The following SPG11 variants were observed in gnomAD, a reference collection of about 807,000 sequenced individuals.
SPG11 encodes SPG11 vesicle trafficking associated, spatacsin.
A neutral mutation model predicts 274.0 loss-of-function variants in SPG11; 222 were observed. That is an observed-to-expected ratio of 0.81 (90% CI 0.73 to 0.91). SPG11 has a LOEUF of 0.91. Ranked by LOEUF, SPG11 falls within the 40% of genes least tolerant of loss-of-function variation. SPG11 has a pLI of 0.00. For synonymous variants in SPG11, 1,144 were observed against 1,039.7 expected (o/e 1.10, Z -1.93); for missense variants, 3,114 against 2,872.7 (o/e 1.08, Z -1.92).
chr15:44,628,421 T>C (rs1004722124), intron 10 of SPG11, among the ~76,000 whole-genome samples: 3 of 152,198 alleles, frequency 2.0e-5, no homozygotes, highest in African/African-American at 7.2e-5. Context: ...GTTGGGTGTT[T>C]GTTACTGAAC....
intron 6 of SPG11, among the ~76,000 whole-genome samples, chr15:44,650,691 C>A (rs2084745440): frequency 6.6e-6 from 1 of 151,342 alleles, no homozygotes; most frequent in South Asian, 2.1e-4. Flanking sequence ...ACAACTGAAA[C>A]TCAGCTCCAA....
intron 8 of SPG11, among the ~76,000 whole-genome samples, chr15:44,631,802 G>GAT (rs1567176798): frequency 7.5e-6 from 1 of 133,644 alleles, no homozygotes; most frequent in Non-Finnish European, 1.6e-5. Context: ...ACTGCACCCA[G>GAT]CTTTTTTTTT....
chr15:44,659,000 A>C, intron 3 of SPG11, 79 bp downstream of exon 3: 1 of 1,404,560 alleles, frequency 7.1e-7, no homozygotes, highest in Admixed American at 1.7e-5. Context: ...AGCTCCCAAA[A>C]CTAAAGCCTA....
chr15:44,567,139 C>G (rs2082326091), intron 36 of SPG11, among the ~76,000 whole-genome samples: 3 of 151,986 alleles, frequency 2.0e-5, no homozygotes. Context: ...TTCACCAGGT[C>G]AGGAGTTCAA....
At chr15:44,570,761 G>T (rs1414939818) in intron 33 of SPG11, 103 bp from the exon 34 acceptor site, 6 of 1,461,380 alleles carry the variant, frequency 4.1e-6, no homozygotes, top group Non-Finnish European at 4.7e-6. Context: ...GAAGGGGCCT[G>T]TCTGGAGAGG....
chr15:44,578,055 C>T (rs997852571), intron 30 of SPG11, among the ~76,000 whole-genome samples: 15 of 141,504 alleles, frequency 1.1e-4, no homozygotes, highest in Non-Finnish European at 1.7e-4. Flanking sequence ...GACGGAGTCT[C>T]GCTCTGTCGC....
rs1321105145 is a variant in SPG11, at chr15:44,602,215, T to G, written c.3521-1583A>C. On this transcript the variant is annotated intron_variant, in intron 20 of 39. Coordinates refer to ENST00000261866, the MANE Select transcript of SPG11 (RefSeq NM_025137.4). The stretch of plus-strand genomic sequence containing the variant: ...TGATTTGGATGCCTTTCTTTTTTTT[T>G]GCTTAAATGCTCTGGCTAGGACTTC... Among the ~76,000 whole-genome samples, 5 of 152,196 alleles carry G rather than the reference T, an allele frequency of 3.3e-5. No homozygotes were observed. The East Asian group carries it at 5.8e-4, about 18-fold the overall frequency.
At chr15:44,588,407 A>G (rs1375097214) in intron 28 of SPG11, among the ~76,000 whole-genome samples, 1 of 152,038 alleles carries the variant, frequency 6.6e-6, no homozygotes, top group African/African-American at 2.4e-5. Flanking sequence ...GTTACTTGCC[A>G]TAGAGAAGAA....
In SPG11 at chr15:44,660,736, T is replaced by C. The variant is rs1172259520; in HGVS notation, c.258-120A>G. 4.5e-6 allele frequency: 4 copies of C among 889,464 alleles called. No homozygotes were observed. The Admixed American group carries it at 8.2e-5, about 18-fold the overall frequency. 55.1% of individuals were successfully genotyped at this position (889,464 alleles called of 1,614,324 possible). A position where few individuals can be genotyped will look rare whatever the true frequency, so the allele number is the denominator to read the frequency against. ...TTTAGTTGACCTGGTATAGTCATTC[T>C]ACACTTCAATCTAAGAGAACATAAA... is the stretch of plus-strand genomic sequence containing the variant. On this transcript the variant is annotated intron_variant, in intron 1 of 39. Transcript: ENST00000261866.
At chr15:44,578,378 G>A (rs961938308) in intron 30 of SPG11, among the ~76,000 whole-genome samples, 16 of 151,988 alleles carry the variant, frequency 1.1e-4, no homozygotes, top group African/African-American at 3.4e-4. Context: ...TCAGGAGGGC[G>A]GAGTAGACCC....
intron 11 of SPG11, among the ~76,000 whole-genome samples, chr15:44,625,640 T>A (rs1325209331): frequency 6.6e-6 from 1 of 152,140 alleles, no homozygotes; most frequent in Non-Finnish European, 1.5e-5. Context: ...TAAACCTCTT[T>A]TCTTTCTAAA....
rs1408099340 is a variant in SPG11 at position 44,628,690 on chromosome 15, T to A, written c.2046A>T (p.Ile682=). The change falls in exon 10 of 40, where the codon ATA becomes ATT. Residue 682 remains isoleucine (I), a synonymous_variant. Coordinates refer to ENST00000261866, the MANE Select transcript of SPG11 (RefSeq NM_025137.4). ...TTACCTCAAAGCTGAGTTTCTTCCA[T>A]ATATTGCTCTCCTTTACTTTGGGGA... ...ENVPKVKESN[I]WKKLSFEEVI... 3 of 1,613,580 alleles carry A rather than the reference T, an allele frequency of 1.9e-6. No homozygotes were observed. The highest frequency in any genetic ancestry group is 2.5e-6 in the Non-Finnish European group (3 of 1,179,910).
At chr15:44,592,695 C>T (rs2082934321) in intron 26 of SPG11, among the ~76,000 whole-genome samples, 1 of 151,980 alleles carries the variant, frequency 6.6e-6, no homozygotes, top group Non-Finnish European at 1.5e-5. Flanking sequence ...TGGTGCATGC[C>T]TGCAATCACA....
At chr15:44,622,934 C>A in intron 11 of SPG11, 135 bp from the exon 12 acceptor site, 1 of 761,442 alleles carries the variant, frequency 1.3e-6, no homozygotes, top group African/African-American at 1.7e-5. Flanking sequence ...TCTGCTCTTT[C>A]AAACACTCAT....
intron 15 of SPG11, among the ~76,000 whole-genome samples, chr15:44,618,672 C>T (rs150423431): frequency 0.064 from 9,501 of 148,944 alleles, 785 homozygotes; most frequent in African/African-American, 0.19. Context: ...AAAAAGAAAT[C>T]AGCCGGGCGT....
At chr15:44,598,121 T>G (rs935089185) in intron 23 of SPG11, 144 bp downstream of exon 23, 5 of 661,172 alleles carry the variant, frequency 7.6e-6, no homozygotes, top group Non-Finnish European at 1.4e-5. Flanking sequence ...ATTTACTGAG[T>G]ATCTGCTACA....
In SPG11 at chr15:44,567,550, A is replaced by G. The variant is rs761830487; in HGVS notation, c.6628T>C (p.Cys2210Arg). 5.6e-6 allele frequency: 9 copies of G among 1,613,898 alleles called. No homozygotes were observed. In the Admixed American group the frequency reaches 6.7e-5, roughly 12 times the overall value. Residue 2210 changes from cysteine to arginine, a missense_variant, in exon 36 of 40, where the codon TGC (cysteine) becomes CGC (arginine). By Grantham distance (180) the Cys-to-Arg change is radical. Coordinates refer to ENST00000261866, the MANE Select transcript of SPG11 (RefSeq NM_025137.4). ...TGCTTTTCACTGTCTCCAGGACGGC[A>G]GCGTTTGATGTAGTCCAGCAGGGCT... ...KTALLDYIKR[C>R]RPGDSEKHNM...
intron 36 of SPG11, 24 bp from the exon 37 acceptor site, chr15:44,566,329 T>A (rs1391620383): frequency 6.2e-7 from 1 of 1,606,800 alleles, no homozygotes; most frequent in South Asian, 1.1e-5. Context: ...AAAGAAGATT[T>A]GCCGAGTCTG....
At chr15:44,611,103 A>AGT in intron 17 of SPG11, 118 bp from the exon 18 acceptor site, 1 of 864,504 alleles carries the variant, frequency 1.2e-6, no homozygotes. Flanking sequence ...AAAAAAAAAA[A>AGT]AAAAAAAAAA....
Sources: allele counts gnomAD v4.1 joint callset (sites outside exome capture counted in the v4.1 genomes callset), GRCh38; gene constraint gnomAD v4.1.1; transcripts MANE v1.5; gene names NCBI Gene and HGNC (gene_info 2026-07-23, HGNC 2026-07-21).